The following SCNN1G variants were observed in gnomAD, a reference collection of about 807,000 sequenced individuals.
SCNN1G encodes the protein sodium channel epithelial 1 subunit gamma, also known as epithelial sodium channel subunit gamma.
SCNN1G carries 27 observed loss-of-function variants against 64.6 expected under a neutral mutation model. That is an observed-to-expected ratio of 0.42 (90% confidence interval 0.31 to 0.58). The LOEUF is 0.58. Ranked by LOEUF, SCNN1G falls within the 20% of genes least tolerant of loss-of-function variation. SCNN1G has a pLI of 0.18. For synonymous variants in SCNN1G, 330 were observed against 314.2 expected (o/e 1.05, Z -0.53); for missense variants, 743 against 823.4 (o/e 0.90, Z 1.19).
intron 6 of SCNN1G, among the ~76,000 whole-genome samples, chr16:23,198,334 G>A (rs1041159186): frequency 6.6e-6 from 1 of 152,186 alleles, no homozygotes; most frequent in Admixed American, 6.5e-5. Context: ...GATGGCCTTG[G>A]TCACTCCACT....
chr16:23,186,093 C>T (rs2141927062), intron 1 of SCNN1G, 135 bp from the exon 2 acceptor site: 1 of 665,646 alleles, frequency 1.5e-6, no homozygotes, highest in East Asian at 2.7e-5. Flanking sequence ...ATGCAAAGTG[C>T]CTAAGCCACA....
chr16:23,205,080 T>G (rs1959968121), intron 6 of SCNN1G, among the ~76,000 whole-genome samples: 1 of 152,194 alleles, frequency 6.6e-6, no homozygotes, highest in Non-Finnish European at 1.5e-5. Context: ...CCCAAAGTGC[T>G]GGGATTACAA....
intron 6 of SCNN1G, among the ~76,000 whole-genome samples, chr16:23,207,099 C>T (rs567266203): frequency 1.3e-5 from 2 of 152,296 alleles, no homozygotes; most frequent in South Asian, 4.1e-4. Flanking sequence ...TGATAAGCAT[C>T]GTTGCAGAAT....
Position 23,197,451 on chromosome 16 carries a change from T to C in SCNN1G, c.1077+24T>C, listed in dbSNP as rs751114913. 4.2e-5 allele frequency: 67 copies of C among 1,606,258 alleles called. 1 individual carries two copies. In the South Asian group the frequency reaches 6.6e-4, roughly 16 times the overall value. On this transcript the variant is annotated intron_variant, in intron 6 of 12. Coordinates refer to ENST00000300061, the MANE Select transcript of SCNN1G (RefSeq NM_001039.4). ...TGGTAAGAGAATATTCTCATTTCCA[T>C]AGGCTTGGAGAGAACAGATCTTTTT...
rs1960102315 is a variant in SCNN1G, at chr16:23,212,824, C to T, written c.1374-13C>T. ...TGGGCTGCCTACACTCATGCTGTCC[C>T]CTCCTCCCTTAGCTTTAAAGAGTGG... On this transcript the variant is annotated splice_polypyrimidine_tract_variant and intron_variant, in intron 9 of 12. Coordinates refer to ENST00000300061, the MANE Select transcript of SCNN1G (RefSeq NM_001039.4). 3 of 1,613,980 alleles carry T rather than the reference C, an allele frequency of 1.9e-6. No homozygotes were observed. Among genetic ancestry groups the T allele is most frequent in the Non-Finnish European group, 2.5e-6 (3 of 1,179,928 alleles).
At chr16:23,209,712 G>C in intron 6 of SCNN1G, 38 bp from the exon 7 acceptor site, 1 of 1,506,220 alleles carries the variant, frequency 6.6e-7, no homozygotes, top group Non-Finnish European at 9.2e-7. Flanking sequence ...TGGGTCCGGG[G>C]GGAGGACAGG....
chr16:23,190,284 AG>A (rs1414489693), intron 3 of SCNN1G, among the ~76,000 whole-genome samples: 1 of 151,634 alleles, frequency 6.6e-6, no homozygotes, highest in Non-Finnish European at 1.5e-5. Flanking sequence ...AGAGAAAGAA[AG>A]AAAAGAAAGG....
At chr16:23,212,423 C>T (rs1394406248) in intron 8 of SCNN1G, among the ~76,000 whole-genome samples, 1 of 152,206 alleles carries the variant, frequency 6.6e-6, no homozygotes, top group Non-Finnish European at 1.5e-5. Context: ...AAGTGGCTTG[C>T]CCAAGGTCAC....
At chr16:23,194,328 GGC>G in intron 5 of SCNN1G, 54 bp downstream of exon 5, 1 of 1,255,888 alleles carries the variant, frequency 8.0e-7, no homozygotes, top group East Asian at 2.3e-5. Context: ...TGGACATGGG[GGC>G]AGCAGGACAG....
intron 5 of SCNN1G, among the ~76,000 whole-genome samples, chr16:23,196,228 T>A (rs372807956): frequency 6.6e-6 from 1 of 152,256 alleles, no homozygotes; most frequent in Non-Finnish European, 1.5e-5. Context: ...AAGATTCATG[T>A]TAAGGTCTAC....
Position 23,215,309 on chromosome 16 carries a change from A to T in SCNN1G, c.1790A>T (p.Asp597Val). The change falls in exon 13 of 13, where the codon GAT becomes GTT. Residue 597 changes from aspartate to valine, a missense_variant. Transcript: ENST00000300061. ...CAGGGCCAGGACAATCCAGCCCTGGATATAGACGATGACCTACCCACTTTC... is the reference window on the plus strand; with the variant it reads ...CAGGGCCAGGACAATCCAGCCCTGGTTATAGACGATGACCTACCCACTTTC... ...SPQGQDNPAL[D>V]IDDDLPTFNS... 1.2e-6 allele frequency: 2 copies of T among 1,614,196 alleles called. No individual in the cohort carries two copies. The highest frequency in any genetic ancestry group is 2.2e-5 in the South Asian group (2 of 91,084).
chr16:23,202,402 G>A (rs1959907527), intron 6 of SCNN1G, among the ~76,000 whole-genome samples: 1 of 152,014 alleles, frequency 6.6e-6, no homozygotes, highest in South Asian at 2.1e-4. Context: ...GTGCATGGAT[G>A]GATGGATGCC....
At chr16:23,189,310 G>C in intron 2 of SCNN1G, 61 bp from the exon 3 acceptor site, 2 of 1,539,302 alleles carry the variant, frequency 1.3e-6, no homozygotes, top group Non-Finnish European at 1.8e-6. Context: ...GCCTGGAGGA[G>C]CACCAGAGTT....
In SCNN1G at chr16:23,213,214, C is replaced by G; in HGVS notation, c.1493+51C>G. On this transcript the variant is annotated intron_variant, in intron 11 of 12. Transcript: ENST00000300061. ...TGTCTCTTCCCACCACAGCCCCCAGCCTTCTCACTTGCTTCTGTATGTGTA... is the reference window on the plus strand; with the variant it reads ...TGTCTCTTCCCACCACAGCCCCCAGGCTTCTCACTTGCTTCTGTATGTGTA... 3 of 1,335,932 alleles carry G rather than the reference C, an allele frequency of 2.2e-6. No homozygotes were observed. In the South Asian group the frequency reaches 3.5e-5, roughly 16 times the overall value. 82.8% of individuals were successfully genotyped at this position (1,335,932 alleles called of 1,614,324 possible).
At position 23,186,316 on chromosome 16, in the gene SCNN1G, G is replaced by T. The variant is rs1356626812; in HGVS notation, c.45G>T (p.Leu15=). 8.7e-6 allele frequency: 14 copies of T among 1,614,134 alleles called. No individual in the cohort carries two copies. Among genetic ancestry groups the T allele is most frequent in the African/African-American group, 1.3e-5 (1 of 74,950 alleles). The stretch of plus-strand genomic sequence containing the variant: ...TCAAAGCCAAAATCAAGAAGAATCT[G>T]CCCGTGACGGGCCCTCAGGCGCCGA... ...EKIKAKIKKN[L]PVTGPQAPTI... Residue 15 remains leucine, a synonymous_variant, in exon 2 of 13, where the codon CTG becomes CTT. Transcript: ENST00000300061.
chr16:23,212,982 G>T, intron 10 of SCNN1G, 88 bp downstream of exon 10: 5 of 1,528,326 alleles, frequency 3.3e-6, no homozygotes, highest in Non-Finnish European at 4.5e-6. Flanking sequence ...CCTGGGACAT[G>T]GTCCAGGGGG....
intron 6 of SCNN1G, among the ~76,000 whole-genome samples, chr16:23,203,748 C>G (rs916282867): frequency 2.7e-5 from 3 of 110,320 alleles, no homozygotes; most frequent in Non-Finnish European, 5.0e-5. Context: ...CCAGCCTGGG[C>G]GACAGAGTGA....
chr16:23,189,722 T>G, intron 3 of SCNN1G, 51 bp downstream of exon 3: 2 of 1,567,964 alleles, frequency 1.3e-6, no homozygotes, highest in Non-Finnish European at 1.8e-6. Flanking sequence ...TGGGATGGGC[T>G]GGGTCCAGGA....
At chr16:23,214,992 G>A (rs566930248) in intron 12 of SCNN1G, 97 bp from the exon 13 acceptor site, 8 of 1,443,726 alleles carry the variant, frequency 5.5e-6, no homozygotes, top group African/African-American at 4.2e-5. Context: ...GTGCAGGGTC[G>A]GGGCTGACCC....
Sources: allele counts gnomAD v4.1 joint callset (sites outside exome capture counted in the v4.1 genomes callset), GRCh38; gene constraint gnomAD v4.1.1; transcripts MANE v1.5; gene names NCBI Gene and HGNC (gene_info 2026-07-23, HGNC 2026-07-21).